Variants in MDGA2 observed in about 807,000 individuals in gnomAD.
MDGA2 encodes MAM domain containing glycosylphosphatidylinositol anchor 2, also known as MAM domain-containing glycosylphosphatidylinositol anchor protein 2.
A neutral mutation model predicts 117.8 loss-of-function variants in MDGA2; 40 were observed. The ratio of observed to expected loss-of-function variants is 0.34; its 90% CI spans 0.26 to 0.44. MDGA2 has a LOEUF of 0.44. MDGA2 is among the 20% of genes least tolerant of loss of function. The pLI is 1.00. For missense variants in MDGA2, 1,123 were observed against 1,250.6 expected, an observed-to-expected ratio of 0.90 and a Z score of 1.54; for synonymous variants, 452 against 439.0, an observed-to-expected ratio of 1.03 and a Z score of -0.37.
chr14:47,621,510 T>C (rs1458294886), intron 1 of MDGA2, among the ~76,000 whole-genome samples: 2 of 152,100 alleles, frequency 1.3e-5, no homozygotes, highest in Admixed American at 6.5e-5. Flanking sequence ...TAATAATACA[T>C]TCTTGCCTCT....
intron 1 of MDGA2, among the ~76,000 whole-genome samples, chr14:47,455,063 A>G (rs1300084354): frequency 6.6e-6 from 1 of 152,238 alleles, no homozygotes; most frequent in Non-Finnish European, 1.5e-5. Flanking sequence ...ATATCATGCA[A>G]TACCTTTAAA....
intron 5 of MDGA2, among the ~76,000 whole-genome samples, chr14:47,126,909 G>A (rs1224671304): frequency 4.6e-5 from 7 of 151,978 alleles, no homozygotes; most frequent in Admixed American, 3.9e-4. Context: ...TATCATTTGG[G>A]CATTGTGCAA....
chr14:46,982,734 A>AAAAAAAATAAT lies in MDGA2; in HGVS notation c.1820-25092_1820-25091insATTATTTTTTT, dbSNP rs1449356596. On this transcript the variant is annotated intron_variant, in intron 8 of 16. Transcript: ENST00000399232. ...AAAAAAAAAAAAAAAAAAAAAAAAA[A>AAAAAAAATAAT]AATCATGTCATCTGCAACCAGGGAC... is the stretch of plus-strand genomic sequence containing the variant. 3.1e-5 allele frequency among the ~76,000 whole-genome samples: 4 copies of AAAAAAAATAAT among 130,326 alleles called. 1 individual carries two copies. Among genetic ancestry groups the AAAAAAAATAAT allele is most frequent in the Non-Finnish European group, 3.4e-5 (2 of 59,242 alleles). 85.5% of individuals were successfully genotyped at this position (130,326 alleles called of 152,430 possible). A position where few individuals can be genotyped will look rare whatever the true frequency, so the allele number is the denominator to read the frequency against.
At chr14:47,336,922 C>A (rs939404914) in intron 1 of MDGA2, among the ~76,000 whole-genome samples, 2 of 151,846 alleles carry the variant, frequency 1.3e-5, no homozygotes, top group Non-Finnish European at 2.9e-5. Context: ...TCAATGTATG[C>A]TTAATAATTA....
At chr14:47,364,475 A>T (rs2138377386) in intron 1 of MDGA2, among the ~76,000 whole-genome samples, 1 of 152,246 alleles carries the variant, frequency 6.6e-6, no homozygotes, top group Non-Finnish European at 1.5e-5. Flanking sequence ...CGTGTTAGCC[A>T]GAATGGTCTC....
At chr14:46,880,899 C>T (rs942661030) in intron 11 of MDGA2, among the ~76,000 whole-genome samples, 2 of 150,234 alleles carry the variant, frequency 1.3e-5, no homozygotes, top group African/African-American at 2.4e-5. Context: ...TTTAGATCCA[C>T]TTTTAACTTT....
chr14:47,516,049 T>C (rs1894744270), intron 1 of MDGA2, among the ~76,000 whole-genome samples: 1 of 152,276 alleles, frequency 6.6e-6, no homozygotes, highest in Non-Finnish European at 1.5e-5. Context: ...AGTTCAATCA[T>C]TAGCCCCAGT....
intron 1 of MDGA2, among the ~76,000 whole-genome samples, chr14:47,314,713 G>C (rs142424946): frequency 6.6e-5 from 10 of 151,686 alleles, no homozygotes; most frequent in African/African-American, 2.4e-4. Flanking sequence ...CATACAAGAG[G>C]GAAAAGATAT....
intron 5 of MDGA2, among the ~76,000 whole-genome samples, chr14:47,101,185 T>A (rs11850966): frequency 0.019 from 2,794 of 150,190 alleles, 90 homozygotes; most frequent in African/African-American, 0.064. Flanking sequence ...GACAAGAAAA[T>A]AAGAGAAGAG....
intron 3 of MDGA2, among the ~76,000 whole-genome samples, chr14:47,191,355 C>A (rs1459084691): frequency 1.3e-5 from 2 of 150,160 alleles, no homozygotes; most frequent in African/African-American, 4.9e-5. Flanking sequence ...GCAAAAATTT[C>A]TTTCTACAAA....
At chr14:47,095,299 G>A (rs553308699) in intron 6 of MDGA2, among the ~76,000 whole-genome samples, 2 of 152,056 alleles carry the variant, frequency 1.3e-5, no homozygotes, top group East Asian at 3.9e-4. Context: ...TAAAATCTCA[G>A]AGGCAGTATT....
At chr14:47,206,652 C>T (rs1415219723) in intron 3 of MDGA2, among the ~76,000 whole-genome samples, 4 of 151,868 alleles carry the variant, frequency 2.6e-5, no homozygotes, top group Admixed American at 1.3e-4. Flanking sequence ...CACATTAGGA[C>T]GTGGAAGCTG....
chr14:47,612,863 T>C (rs1896877949), intron 1 of MDGA2, among the ~76,000 whole-genome samples: 1 of 152,174 alleles, frequency 6.6e-6, no homozygotes, highest in Non-Finnish European at 1.5e-5. Context: ...GCAAATGTGC[T>C]CCAGTTATCT....
chr14:47,071,375 T>C (rs961296149), intron 6 of MDGA2, among the ~76,000 whole-genome samples: 14 of 152,306 alleles, frequency 9.2e-5, no homozygotes, highest in African/African-American at 2.2e-4. Flanking sequence ...AATTAAAAGA[T>C]GGCAGGGTGC....
At chr14:47,426,256 G>A (rs1892686703) in intron 1 of MDGA2, among the ~76,000 whole-genome samples, 1 of 151,974 alleles carries the variant, frequency 6.6e-6, no homozygotes. Flanking sequence ...GGAGGATCTA[G>A]CCTATGGCAG....
chr14:47,065,266 G>T (rs896094899), intron 6 of MDGA2, among the ~76,000 whole-genome samples: 2 of 152,046 alleles, frequency 1.3e-5, no homozygotes, highest in African/African-American at 4.8e-5. Flanking sequence ...CAGTATACTT[G>T]CAAGGACATT....
intron 9 of MDGA2, among the ~76,000 whole-genome samples, chr14:46,932,872 C>A (rs2138554048): frequency 6.6e-6 from 1 of 151,598 alleles, no homozygotes; most frequent in Non-Finnish European, 1.5e-5. Context: ...CACAGATAAT[C>A]ACGAGAAATA....
chr14:47,529,414 T>C (rs140893988), intron 1 of MDGA2, among the ~76,000 whole-genome samples: 5 of 152,302 alleles, frequency 3.3e-5, no homozygotes, highest in African/African-American at 1.2e-4. Context: ...GATATAGGCA[T>C]GCAATGCATA....
intron 1 of MDGA2, among the ~76,000 whole-genome samples, chr14:47,324,461 A>T (rs1374050167): frequency 6.6e-6 from 1 of 152,144 alleles, no homozygotes; most frequent in South Asian, 2.1e-4. Flanking sequence ...GAAACTCAGA[A>T]CTTTTTTTTC....
Sources: allele counts gnomAD v4.1 joint callset (sites outside exome capture counted in the v4.1 genomes callset), GRCh38; gene constraint gnomAD v4.1.1; transcripts MANE v1.5; gene names NCBI Gene and HGNC (gene_info 2026-07-23, HGNC 2026-07-21).